Variants in SLC25A26 observed in about 807,000 individuals in gnomAD.
The protein encoded by SLC25A26 is solute carrier family 25 member 26, also known as mitochondrial S-adenosylmethionine carrier protein.
SLC25A26 carries 36 observed loss-of-function variants against 37.8 expected under a neutral mutation model. The ratio of observed to expected loss-of-function variants is 0.95; its 90% confidence interval spans 0.73 to 1.26. The LOEUF (loss-of-function observed/expected upper bound fraction) is 1.26, where lower values mean the gene tolerates loss of function less well. Ranked by LOEUF, SLC25A26 falls within the 50% of genes most tolerant of loss-of-function variation. The probability of loss-of-function intolerance (pLI) is 0.00; values close to 1 mark genes in which losing one functional copy is unlikely to be tolerated. For missense variants in SLC25A26, 390 were observed against 331.1 expected, an observed-to-expected ratio of 1.18 and a Z score of -1.38; for synonymous variants, 129 against 122.5, an observed-to-expected ratio of 1.05 and a Z score of -0.35.
At chr3:66,370,677 A>G in intron 9 of SLC25A26, 75 bp downstream of exon 9, 1 of 1,143,338 alleles carries the variant, frequency 8.7e-7, no homozygotes, top group South Asian at 1.4e-5. Context: ...TTGGATGAAC[A>G]CCTCTCCTTC....
intron 5 of SLC25A26, among the ~76,000 whole-genome samples, chr3:66,284,587 A>G (rs1371025777): frequency 6.6e-6 from 1 of 152,236 alleles, no homozygotes; most frequent in East Asian, 1.9e-4. Flanking sequence ...AATATGAGAA[A>G]AAATAAACTA....
At chr3:66,201,365 G>T (rs932611709) in intron 1 of SLC25A26, among the ~76,000 whole-genome samples, 1 of 151,600 alleles carries the variant, frequency 6.6e-6, no homozygotes, top group Non-Finnish European at 1.5e-5. Context: ...TAAAGACAGG[G>T]TCTGTCACCC....
At chr3:66,139,824 G>A (rs925058788) in intron 1 of SLC25A26, among the ~76,000 whole-genome samples, 1 of 152,138 alleles carries the variant, frequency 6.6e-6, no homozygotes, top group Non-Finnish European at 1.5e-5. Context: ...ATTGCAGGCA[G>A]TAATGCAGAC....
chr3:66,348,995 C>G (rs543839645), intron 6 of SLC25A26, among the ~76,000 whole-genome samples: 1 of 152,176 alleles, frequency 6.6e-6, no homozygotes, highest in Non-Finnish European at 1.5e-5. Flanking sequence ...TCTCAATAAC[C>G]AGCATTCACA....
At chr3:66,327,878 G>T (rs1026972180) in intron 5 of SLC25A26, among the ~76,000 whole-genome samples, 1 of 134,596 alleles carries the variant, frequency 7.4e-6, no homozygotes, top group Non-Finnish European at 1.5e-5. Flanking sequence ...ATTATTACAA[G>T]TAGGGGATTT....
chr3:66,174,601 A>C (rs1263815809), intron 1 of SLC25A26, among the ~76,000 whole-genome samples: 4 of 151,744 alleles, frequency 2.6e-5, no homozygotes, highest in Non-Finnish European at 5.9e-5. Context: ...TAACACGGTG[A>C]AACCCCGTCT....
At chr3:66,286,248 T>A (rs1346303744) in intron 5 of SLC25A26, among the ~76,000 whole-genome samples, 1 of 152,190 alleles carries the variant, frequency 6.6e-6, no homozygotes, top group African/African-American at 2.4e-5. Flanking sequence ...ACTTTGGATG[T>A]CATCTCTAGG....
At chr3:66,149,722 A>T (rs1252406302) in intron 1 of SLC25A26, among the ~76,000 whole-genome samples, 1 of 152,218 alleles carries the variant, frequency 6.6e-6, no homozygotes, top group African/African-American at 2.4e-5. Context: ...GCTCAACTGT[A>T]AAATGTGTGC....
intron 5 of SLC25A26, among the ~76,000 whole-genome samples, chr3:66,303,639 T>G (rs2107569225): frequency 6.6e-6 from 1 of 152,298 alleles, no homozygotes; most frequent in South Asian, 2.1e-4. Context: ...GGGGAATGTC[T>G]AGAGGTGCAG....
chr3:66,244,585 T>C (rs1678095), intron 3 of SLC25A26, among the ~76,000 whole-genome samples: 1 of 151,958 alleles, frequency 6.6e-6, no homozygotes, highest in African/African-American at 2.4e-5. Flanking sequence ...TGCAGAGACA[T>C]TGTCATTACA....
chr3:66,134,591 T>C (rs889740256), intron 1 of SLC25A26, among the ~76,000 whole-genome samples: 1 of 152,196 alleles, frequency 6.6e-6, no homozygotes, highest in Non-Finnish European at 1.5e-5. Context: ...GCTTAGAGAA[T>C]GTATCTTTAG....
Position 66,156,269 on chromosome 3 carries a change from G to T in SLC25A26, c.-354+22285G>T, listed in dbSNP as rs148256647. On this transcript the variant is annotated intron_variant, in intron 1 of 10. Transcript: ENST00000676754. The stretch of plus-strand genomic sequence containing the variant: ...CTACTGTGTAACAGGCACTGTTCCA[G>T]ATGCTGGGGTTACAGCAGTAACAAG... 3.4e-3 allele frequency among the ~76,000 whole-genome samples: 516 copies of T among 152,304 alleles called. 2 individuals carry two copies. Among genetic ancestry groups the T allele is most frequent in the African/African-American group, 0.012 (491 of 41,562 alleles).
In SLC25A26 at chr3:66,286,577, CT is replaced by C. The variant is rs1485553408; in HGVS notation, c.453+23201del. ...TGTATATATAGGTTCCAAGCAATGT[CT>C]TTATTTTTCTTTATTTAGGTGTTTG... On this transcript the variant is annotated intron_variant, in intron 5 of 9. Transcript: ENST00000354883. Among the ~76,000 whole-genome samples the C allele has an allele frequency of 5.3e-5, 8 of 152,104 alleles. No individual in the cohort carries two copies. The East Asian group carries it at 1.4e-3, about 26-fold the overall frequency.
chr3:66,248,822 C>T (rs2072961829), intron 3 of SLC25A26, among the ~76,000 whole-genome samples: 1 of 152,194 alleles, frequency 6.6e-6, no homozygotes, highest in Non-Finnish European at 1.5e-5. Flanking sequence ...CGATGAGCAT[C>T]TCCCCATACT....
chr3:66,200,277 T>C (rs2071091906), intron 1 of SLC25A26, among the ~76,000 whole-genome samples: 1 of 152,200 alleles, frequency 6.6e-6, no homozygotes, highest in African/African-American at 2.4e-5. Flanking sequence ...AGACTGCTGT[T>C]GTGCTTGGCT....
chr3:66,247,187 T>C (rs969646054), intron 3 of SLC25A26, among the ~76,000 whole-genome samples: 3 of 151,904 alleles, frequency 2.0e-5, no homozygotes, highest in African/African-American at 7.3e-5. Flanking sequence ...AAGAGGACAA[T>C]TGGTCAGCAG....
intron 5 of SLC25A26, among the ~76,000 whole-genome samples, chr3:66,300,804 A>G (rs548053785): frequency 1.3e-5 from 2 of 152,326 alleles, no homozygotes; most frequent in African/African-American, 4.8e-5. Context: ...TTTCTTCAAA[A>G]TGATTGCTAA....
chr3:66,371,814 G>A (rs1700357972), intron 9 of SLC25A26, among the ~76,000 whole-genome samples: 1 of 152,168 alleles, frequency 6.6e-6, no homozygotes, highest in South Asian at 2.1e-4. Flanking sequence ...AAGGTGCTTA[G>A]GGGCCGGGTG....
At chr3:66,351,106 A>G (rs914000454) in intron 6 of SLC25A26, among the ~76,000 whole-genome samples, 22 of 152,166 alleles carry the variant, frequency 1.4e-4, no homozygotes, top group Non-Finnish European at 2.1e-4. Context: ...ATATGGTTGC[A>G]TGTCACAAGA....
Sources: gnomAD v4.1 joint callset for allele counts (sites outside exome capture counted in the v4.1 genomes callset) on GRCh38, gnomAD v4.1.1 for gene constraint, MANE v1.5 for transcripts, NCBI Gene and HGNC (gene_info 2026-07-23, HGNC 2026-07-21) for gene names.